Variants in DCC observed in about 807,000 individuals in gnomAD.
DCC encodes netrin receptor DCC.
A neutral mutation model predicts 172.5 loss-of-function variants in DCC; 58 were observed. The ratio of observed to expected loss-of-function variants is 0.34; its 90% confidence interval spans 0.27 to 0.42. The LOEUF (loss-of-function observed/expected upper bound fraction) is 0.42, where lower values mean the gene tolerates loss of function less well. Among genes scored for constraint, DCC ranks in the 10% least tolerant of loss-of-function variants. The probability of loss-of-function intolerance (pLI) is 1.00; values close to 1 mark genes in which losing one functional copy is unlikely to be tolerated. For synonymous variants in DCC, 709 were observed against 644.5 expected, an observed-to-expected ratio of 1.10 and a Z score of -1.52; for missense variants, 1,740 against 1,791.0, an observed-to-expected ratio of 0.97 and a Z score of 0.51.
At position 52,948,312 on chromosome 18, in the gene DCC, A is replaced by ATGTG. The variant is rs10566106; in HGVS notation, c.985+22962_985+22965dup. The stretch of plus-strand genomic sequence containing the variant: ...TATCCATAATTCTATCACAGTGTTG[A>ATGTG]TGTGTGTGTGTGTGTGTGTGTGTCT... On this transcript the variant is annotated intron_variant, in intron 5 of 28. Transcript: ENST00000442544. Among the ~76,000 whole-genome samples the ATGTG allele has an allele frequency of 6.2e-3, 925 of 150,184 alleles. 6 individuals carry two copies. Among genetic ancestry groups the ATGTG allele is most frequent in the Non-Finnish European group, 0.01 (688 of 67,414 alleles).
intron 2 of DCC, among the ~76,000 whole-genome samples, chr18:52,783,321 C>CTTTTTTTT (rs1568100450): frequency 1.6e-5 from 1 of 62,122 alleles, no homozygotes; most frequent in East Asian, 4.3e-4. Flanking sequence ...TATACTACTA[C>CTTTTTTTT]TCTTTTTTTT....
At chr18:52,439,677 G>A (rs1410128679) in intron 1 of DCC, among the ~76,000 whole-genome samples, 1 of 152,178 alleles carries the variant, frequency 6.6e-6, no homozygotes, top group Admixed American at 6.5e-5. Context: ...ACCTAGGACA[G>A]GATCCTTCAA....
At chr18:53,201,181 T>TA (rs2055531187) in intron 9 of DCC, among the ~76,000 whole-genome samples, 1 of 152,122 alleles carries the variant, frequency 6.6e-6, no homozygotes, top group Non-Finnish European at 1.5e-5. Flanking sequence ...TTTGGGAAAC[T>TA]AGGGCTCAGC....
At chr18:52,611,720 T>C (rs143379468) in intron 1 of DCC, among the ~76,000 whole-genome samples, 1 of 152,326 alleles carries the variant, frequency 6.6e-6, no homozygotes, top group East Asian at 1.9e-4. Context: ...TTAAGTAAAC[T>C]GTTTCAGCCT....
chr18:52,915,744 GAGGA>G (rs1264125788), intron 3 of DCC, among the ~76,000 whole-genome samples: 1 of 152,038 alleles, frequency 6.6e-6, no homozygotes, highest in Non-Finnish European at 1.5e-5. Context: ...AGGCAGAAAA[GAGGA>G]AGGAAGGAAA....
intron 1 of DCC, among the ~76,000 whole-genome samples, chr18:52,355,619 T>C (rs1984327994): frequency 1.3e-5 from 2 of 152,206 alleles, no homozygotes; most frequent in Non-Finnish European, 2.9e-5. Context: ...TAATGTTTCA[T>C]GTATCATATT....
intron 15 of DCC, among the ~76,000 whole-genome samples, chr18:53,356,039 C>A (rs1039486514): frequency 6.6e-6 from 1 of 151,942 alleles, no homozygotes; most frequent in African/African-American, 2.4e-5. Flanking sequence ...TAAACAGATA[C>A]CTTATTTTAT....
chr18:52,696,026 T>G (rs2036006579), intron 1 of DCC, among the ~76,000 whole-genome samples: 1 of 152,220 alleles, frequency 6.6e-6, no homozygotes, highest in African/African-American at 2.4e-5. Flanking sequence ...GAATGTATTG[T>G]TAGCAGCTTA....
chr18:53,111,300 A>T (rs1237581952), intron 7 of DCC, among the ~76,000 whole-genome samples: 2 of 150,230 alleles, frequency 1.3e-5, no homozygotes, highest in Non-Finnish European at 3.0e-5. Context: ...CCTAATGCTA[A>T]ATGACAAGTT....
At chr18:52,905,963 G>T in intron 2 of DCC, 81 bp from the exon 3 acceptor site, 1 of 972,378 alleles carries the variant, frequency 1.0e-6, no homozygotes, top group Non-Finnish European at 1.6e-6. Flanking sequence ...TTTCTACAAA[G>T]AATACAAAGT....
At chr18:52,374,129 T>C (rs891526563) in intron 1 of DCC, among the ~76,000 whole-genome samples, 10 of 151,946 alleles carry the variant, frequency 6.6e-5, no homozygotes, top group African/African-American at 2.4e-4. Flanking sequence ...CCTGACCTCG[T>C]GATCTGCCTG....
At chr18:52,810,384 A>C (rs539856253) in intron 2 of DCC, among the ~76,000 whole-genome samples, 1 of 152,300 alleles carries the variant, frequency 6.6e-6, no homozygotes, top group South Asian at 2.1e-4. Flanking sequence ...CAGCCATGCT[A>C]TTATGCCCCA....
chr18:53,136,882 A>G (rs937620514), intron 7 of DCC, among the ~76,000 whole-genome samples: 1 of 152,206 alleles, frequency 6.6e-6, no homozygotes, highest in African/African-American at 2.4e-5. Flanking sequence ...ATTTCTACAT[A>G]TGGCAGGAAC....
intron 1 of DCC, among the ~76,000 whole-genome samples, chr18:52,643,677 A>C (rs551455944): frequency 6.6e-6 from 1 of 152,174 alleles, no homozygotes; most frequent in East Asian, 1.9e-4. Context: ...ATTCCACACT[A>C]TTTTCTCCTT....
At chr18:53,471,839 T>C (rs1054648235) in intron 25 of DCC, among the ~76,000 whole-genome samples, 7 of 152,190 alleles carry the variant, frequency 4.6e-5, no homozygotes, top group Non-Finnish European at 1.0e-4. Flanking sequence ...TCTCTACTTC[T>C]CTATTATGCT....
At chr18:52,626,912 A>G (rs2034583939) in intron 1 of DCC, among the ~76,000 whole-genome samples, 1 of 152,122 alleles carries the variant, frequency 6.6e-6, no homozygotes, top group Non-Finnish European at 1.5e-5. Context: ...TGGATTTTGG[A>G]ATCCATGGAG....
chr18:52,421,826 A>T (rs1233324347), intron 1 of DCC, among the ~76,000 whole-genome samples: 1 of 151,952 alleles, frequency 6.6e-6, no homozygotes, highest in Non-Finnish European at 1.5e-5. Flanking sequence ...TGTTTTAGTG[A>T]TCCTTGTAGT....
At chr18:52,998,822 G>A (rs1204267495) in intron 5 of DCC, among the ~76,000 whole-genome samples, 2 of 152,096 alleles carry the variant, frequency 1.3e-5, no homozygotes, top group Admixed American at 1.3e-4. Context: ...AGGTTTGTGT[G>A]TGTGTGTGTG....
chr18:53,207,749 T>C lies in DCC; in HGVS notation c.1793T>C (p.Phe598Ser), dbSNP rs1598907179. ...AAATTCACCGAATATAGTCTTCGAT[T>C]CTTAGCTTATAATCGCTATGGTCCG... ...LKKFTEYSLR[F>S]LAYNRYGPGV... Residue 598 changes from phenylalanine to serine, a missense_variant, in exon 11 of 29, where the codon TTC becomes TCC. Phe to Ser is a radical substitution (Grantham distance 155). Around this residue, in one of 2 missense-constraint regions of DCC, gnomAD observed 1,732 missense variants for 1,767.4 expected, o/e 0.98. Coordinates refer to ENST00000442544, the MANE Select transcript of DCC (RefSeq NM_005215.4). 6.2e-7 allele frequency: 1 copy of C among 1,613,096 alleles called. No homozygotes were observed. Among genetic ancestry groups the C allele is most frequent in the Non-Finnish European group, 8.5e-7 (1 of 1,179,190 alleles).
Sources: allele counts gnomAD v4.1 joint callset (sites outside exome capture counted in the v4.1 genomes callset), GRCh38; gene constraint gnomAD v4.1.1; regional missense constraint gnomAD v4.1.1; transcripts MANE v1.5; gene names NCBI Gene and HGNC (gene_info 2026-07-23, HGNC 2026-07-21).